The following EXOC2 variants were observed in gnomAD, a reference collection of about 807,000 sequenced individuals.
The protein encoded by EXOC2 is SEC5-like 1.
EXOC2 carries 70 observed loss-of-function variants against 131.8 expected under a neutral mutation model. The observed-to-expected ratio is 0.53, with a 90% confidence interval of 0.44 to 0.65. EXOC2 has a LOEUF of 0.65. Ranked by LOEUF, EXOC2 falls within the 30% of genes least tolerant of loss-of-function variation. EXOC2 has a pLI of 0.00. For missense variants in EXOC2, 923 were observed against 1,108.6 expected (o/e 0.83, Z 2.38); for synonymous variants, 411 against 398.4 (o/e 1.03, Z -0.38).
intron 6 of EXOC2, among the ~76,000 whole-genome samples, chr6:613,978 G>T (rs1008048818): frequency 7.9e-5 from 12 of 151,862 alleles, no homozygotes; most frequent in African/African-American, 2.9e-4. Flanking sequence ...TTTCTAAAAG[G>T]TTACAAAGAA....
chr6:658,668 T>TTTTTATATATATATATATATATATA (rs1763271471), intron 1 of EXOC2, among the ~76,000 whole-genome samples: 1 of 128,034 alleles, frequency 7.8e-6, no homozygotes, highest in Non-Finnish European at 1.7e-5. Context: ...TATATATATT[T>TTTTTATATATATATATATATATATA]TTTTTTTTTT....
intron 27 of EXOC2, among the ~76,000 whole-genome samples, chr6:487,086 C>A (rs1763113975): frequency 6.6e-6 from 1 of 152,182 alleles, no homozygotes; most frequent in Non-Finnish European, 1.5e-5. Context: ...AATTTACACA[C>A]CTTCAAATTC....
chr6:562,984 T>A, intron 16 of EXOC2, 139 bp from the exon 17 acceptor site: 1 of 520,798 alleles, frequency 1.9e-6, no homozygotes, highest in Non-Finnish European at 3.2e-6. Flanking sequence ...GCAAAGAATA[T>A]AATTTTGGTA....
chr6:655,224 T>C (rs1763017493), intron 1 of EXOC2, among the ~76,000 whole-genome samples: 2 of 152,316 alleles, frequency 1.3e-5, no homozygotes, highest in South Asian at 2.1e-4. Context: ...TCAGCAGCTA[T>C]CAAGAGGGAG....
At chr6:571,652 T>C (rs1433872155) in intron 13 of EXOC2, among the ~76,000 whole-genome samples, 4 of 152,174 alleles carry the variant, frequency 2.6e-5, no homozygotes, top group Admixed American at 2.0e-4. Context: ...GTTTTAGCCT[T>C]TGCCCATGTC....
chr6:617,598 G>T, intron 6 of EXOC2, 113 bp downstream of exon 6: 1 of 1,343,704 alleles, frequency 7.4e-7, no homozygotes, highest in Non-Finnish European at 9.9e-7. Context: ...GCACATTTGA[G>T]ATCTCTACTT....
chr6:575,049 C>T (rs1758500553), intron 12 of EXOC2, among the ~76,000 whole-genome samples: 1 of 152,248 alleles, frequency 6.6e-6, no homozygotes, highest in Admixed American at 6.5e-5. Flanking sequence ...TTGTCCCCAC[C>T]AAATCTCATG....
At chr6:607,243 G>A (rs1378033050) in intron 7 of EXOC2, among the ~76,000 whole-genome samples, 1 of 152,150 alleles carries the variant, frequency 6.6e-6, no homozygotes, top group African/African-American at 2.4e-5. Flanking sequence ...CACACAGCAC[G>A]GCCTGCCTGC....
chr6:558,396 G>C (rs1326988524), intron 17 of EXOC2, among the ~76,000 whole-genome samples: 4 of 152,160 alleles, frequency 2.6e-5, no homozygotes, highest in African/African-American at 7.2e-5. Flanking sequence ...ATGTTTGTTA[G>C]GTTACTGACC....
Position 622,810 on chromosome 6 carries a change from C to T in EXOC2, c.423-3267G>A, listed in dbSNP as rs553854426. Among the ~76,000 whole-genome samples the T allele has an allele frequency of 1.5e-3, 225 of 152,324 alleles. 2 individuals carry two copies. The highest frequency in any genetic ancestry group is 0.014 in the Middle Eastern group (4 of 294). ...AACAATGTAAACCAGCAGCTCAGAG[C>T]TTTCCATTCTGTACTCCATTTTTAA... is the stretch of plus-strand genomic sequence containing the variant. On this transcript the variant is annotated intron_variant, in intron 4 of 27. Coordinates refer to ENST00000230449, the MANE Select transcript of EXOC2 (RefSeq NM_018303.6).
chr6:619,283 C>T (rs1323885396), intron 5 of EXOC2, 147 bp downstream of exon 5: 3 of 550,412 alleles, frequency 5.5e-6, no homozygotes, highest in Non-Finnish European at 6.5e-6. Context: ...CTGAGATGTT[C>T]ACGGGTAAAC....
chr6:657,942 G>A (rs11243051), intron 1 of EXOC2, among the ~76,000 whole-genome samples: 4,087 of 152,154 alleles, frequency 0.027, 152 homozygotes, highest in African/African-American at 0.088. Flanking sequence ...TTTTCACACT[G>A]TTTTTGGTAT....
intron 12 of EXOC2, among the ~76,000 whole-genome samples, chr6:573,168 C>T (rs754032732): frequency 1.5e-3 from 230 of 152,288 alleles, no homozygotes; most frequent in Non-Finnish European, 2.9e-3. Flanking sequence ...ACTAAATAAC[C>T]CCACCTAAAA....
At chr6:554,123 C>T (rs745646975) in intron 20 of EXOC2, among the ~76,000 whole-genome samples, 126 of 151,676 alleles carry the variant, frequency 8.3e-4, no homozygotes, top group Non-Finnish European at 1.6e-3. Flanking sequence ...CTCACTGCAA[C>T]CTCCTCCTCC....
At chr6:540,079 C>G (rs897684037) in intron 22 of EXOC2, among the ~76,000 whole-genome samples, 2 of 152,190 alleles carry the variant, frequency 1.3e-5, no homozygotes, top group Admixed American at 6.5e-5. Flanking sequence ...GACTTGTTAG[C>G]GAGGGCTTCC....
At chr6:678,277 C>A (rs1400179352) in intron 1 of EXOC2, among the ~76,000 whole-genome samples, 1 of 152,196 alleles carries the variant, frequency 6.6e-6, no homozygotes, top group African/African-American at 2.4e-5. Context: ...ATGATTTATT[C>A]AGGTCCCTTT....
chr6:616,476 G>A (rs953069447), intron 6 of EXOC2, among the ~76,000 whole-genome samples: 4 of 151,166 alleles, frequency 2.6e-5, no homozygotes, highest in Non-Finnish European at 5.9e-5. Flanking sequence ...AGTGGCGGGC[G>A]CCTGTAGTCC....
intron 22 of EXOC2, among the ~76,000 whole-genome samples, chr6:535,955 A>G (rs905525092): frequency 6.6e-6 from 1 of 152,220 alleles, no homozygotes; most frequent in Non-Finnish European, 1.5e-5. Context: ...CAGAAGTGGT[A>G]TTTTTTCAAC....
At chr6:517,832 G>C (rs558468442) in intron 23 of EXOC2, among the ~76,000 whole-genome samples, 1 of 152,216 alleles carries the variant, frequency 6.6e-6, no homozygotes, top group Non-Finnish European at 1.5e-5. Flanking sequence ...AGGGACAAAG[G>C]AACAGGTTAA....
Sources: allele counts gnomAD v4.1 joint callset (sites outside exome capture counted in the v4.1 genomes callset), GRCh38; gene constraint gnomAD v4.1.1; transcripts MANE v1.5; gene names NCBI Gene and HGNC (gene_info 2026-07-23, HGNC 2026-07-21).